Variants in CAMK4 observed in about 807,000 individuals in gnomAD.
CAMK4 encodes calcium/calmodulin-dependent protein kinase type IV.
Under a neutral mutation model 44.9 loss-of-function variants are expected in CAMK4, and 22 were observed. The observed-to-expected ratio is 0.49, with a 90% confidence interval of 0.35 to 0.70. The LOEUF is 0.70. CAMK4 is among the 30% of genes least tolerant of loss of function. The pLI is 0.01. For missense variants in CAMK4, 498 were observed against 586.8 expected (o/e 0.85, Z 1.56); for synonymous variants, 218 against 215.4 (o/e 1.01, Z -0.11).
At chr5:111,357,094 G>A (rs1042943237) in intron 2 of CAMK4, among the ~76,000 whole-genome samples, 3 of 152,030 alleles carry the variant, frequency 2.0e-5, no homozygotes, top group East Asian at 3.9e-4. Flanking sequence ...TAAGCATTGG[G>A]CAATTGGAAC....
chr5:111,481,912 A>C (rs1177447545), intron 9 of CAMK4: 1 of 152,236 alleles, frequency 6.6e-6, no homozygotes, highest in Non-Finnish European at 1.5e-5. Context: ...TAAAGTGGAA[A>C]TAAGATTCTG....
chr5:111,294,244 C>T (rs1747396788), intron 1 of CAMK4, among the ~76,000 whole-genome samples: 1 of 152,106 alleles, frequency 6.6e-6, no homozygotes, highest in Admixed American at 6.5e-5. Context: ...AAGAACTGCA[C>T]AGATGATTGA....
intron 1 of CAMK4, among the ~76,000 whole-genome samples, chr5:111,342,865 C>G (rs1413968197): frequency 6.6e-6 from 1 of 151,580 alleles, no homozygotes; most frequent in Admixed American, 6.6e-5. Context: ...AAGGATTTAA[C>G]AACAGTATTT....
chr5:111,456,586 A>G (rs2112992731), intron 7 of CAMK4, among the ~76,000 whole-genome samples: 1 of 152,288 alleles, frequency 6.6e-6, no homozygotes, highest in Non-Finnish European at 1.5e-5. Context: ...ATTTTTAAAT[A>G]GTTTTTTAGA....
At chr5:111,458,032 A>C (rs1426526992) in intron 7 of CAMK4, among the ~76,000 whole-genome samples, 1 of 152,226 alleles carries the variant, frequency 6.6e-6, no homozygotes, top group East Asian at 1.9e-4. Context: ...GACAATGGGA[A>C]AACGACCATC....
At chr5:111,280,422 A>G (rs986043390) in intron 1 of CAMK4, among the ~76,000 whole-genome samples, 4 of 152,352 alleles carry the variant, frequency 2.6e-5, no homozygotes, top group African/African-American at 7.2e-5. Flanking sequence ...TTCCAGTTAC[A>G]TAACCTAGTG....
At chr5:111,412,587 A>G (rs1752668888) in intron 5 of CAMK4, among the ~76,000 whole-genome samples, 1 of 152,234 alleles carries the variant, frequency 6.6e-6, no homozygotes, top group African/African-American at 2.4e-5. Context: ...CATGAATTCT[A>G]CAACCACTAA....
At chr5:111,252,550 T>C (rs1395990957) in intron 1 of CAMK4, among the ~76,000 whole-genome samples, 2 of 152,170 alleles carry the variant, frequency 1.3e-5, no homozygotes, top group African/African-American at 4.8e-5. Flanking sequence ...AAATATCCTA[T>C]GAGTCTTATA....
intron 5 of CAMK4, among the ~76,000 whole-genome samples, chr5:111,429,429 C>G (rs1753350578): frequency 6.6e-6 from 1 of 152,034 alleles, no homozygotes; most frequent in Non-Finnish European, 1.5e-5. Flanking sequence ...AAGATTGAAT[C>G]AGAAAGAAAT....
chr5:111,371,825 C>T (rs1485253907), intron 2 of CAMK4, among the ~76,000 whole-genome samples: 1 of 152,158 alleles, frequency 6.6e-6, no homozygotes, highest in Non-Finnish European at 1.5e-5. Context: ...ATATTGGCTA[C>T]AGCCATCATT....
chr5:111,273,747 T>A (rs59855185), intron 1 of CAMK4, among the ~76,000 whole-genome samples: 1,332 of 89,598 alleles, frequency 0.015, 32 homozygotes, highest in African/African-American at 0.049. Flanking sequence ...ACACACACGC[T>A]CACACACACA....
intron 1 of CAMK4, among the ~76,000 whole-genome samples, chr5:111,262,578 C>T (rs1161607746): frequency 6.6e-6 from 1 of 152,114 alleles, no homozygotes. Context: ...AAAGTTGAAT[C>T]AATCTGAGGG....
chr5:111,351,388 T>G (rs1400400417), intron 2 of CAMK4, among the ~76,000 whole-genome samples: 3 of 151,734 alleles, frequency 2.0e-5, no homozygotes, highest in Non-Finnish European at 2.9e-5. Flanking sequence ...ACTGGCAACT[T>G]GGAATTTTCT....
chr5:111,426,710 C>A (rs6865298), intron 5 of CAMK4, among the ~76,000 whole-genome samples: 14 of 152,080 alleles, frequency 9.2e-5, no homozygotes, highest in Non-Finnish European at 1.3e-4. Context: ...GAGAACACAG[C>A]AATTGTGAGG....
chr5:111,428,707 A>G (rs1372934468), intron 5 of CAMK4, among the ~76,000 whole-genome samples: 1 of 152,208 alleles, frequency 6.6e-6, no homozygotes, highest in Non-Finnish European at 1.5e-5. Flanking sequence ...AATAAAAAAC[A>G]GTGAAGCACA....
intron 3 of CAMK4, 107 bp from the exon 4 acceptor site, chr5:111,376,753 C>A: frequency 1.8e-6 from 1 of 555,140 alleles, no homozygotes; most frequent in South Asian, 3.3e-5. Flanking sequence ...TAACAGTGAT[C>A]CAACATATTA....
chr5:111,374,409 C>T (rs1426364711), intron 2 of CAMK4, among the ~76,000 whole-genome samples: 2 of 151,998 alleles, frequency 1.3e-5, no homozygotes, highest in African/African-American at 4.8e-5. Flanking sequence ...ATCACAATGG[C>T]CAGGGAACAG....
chr5:111,232,480 A>C (rs79399556), intron 1 of CAMK4, among the ~76,000 whole-genome samples: 1 of 152,122 alleles, frequency 6.6e-6, no homozygotes, highest in Admixed American at 6.5e-5. Flanking sequence ...AATTCAGGAT[A>C]TACATTTTTG....
intron 1 of CAMK4, among the ~76,000 whole-genome samples, chr5:111,240,418 A>G (rs1339516144): frequency 6.6e-6 from 1 of 152,222 alleles, no homozygotes; most frequent in African/African-American, 2.4e-5. Context: ...AAATGATGTT[A>G]CTATTAGCCA....
Sources: allele counts gnomAD v4.1 joint callset (sites outside exome capture counted in the v4.1 genomes callset), GRCh38; gene constraint gnomAD v4.1.1; transcripts MANE v1.5; gene names NCBI Gene and HGNC (gene_info 2026-07-23, HGNC 2026-07-21).